Variants in FAM90A20 observed in about 807,000 individuals in gnomAD.
The protein encoded by FAM90A20 is protein FAM90A20.
the FAM90A20 span, chr8:7,296,149 G>A: frequency 1.8e-5 from 11 of 596,606 alleles, no homozygotes; most frequent in Middle Eastern, 4.4e-4. Context: ...GGCACGTGAG[G>A]GAAGGTGCAG....
the FAM90A20 span, chr8:7,297,153 G>T: frequency 2.6e-6 from 4 of 1,528,808 alleles, 1 homozygote; most frequent in Non-Finnish European, 3.5e-6. Flanking sequence ...GAAATGTCTG[G>T]CAGGGGCTCC....
chr8:7,296,937 A>T, the FAM90A20 span: 1 of 828,444 alleles, frequency 1.2e-6, no homozygotes, highest in South Asian at 1.6e-5. Context: ...CCTACTTCCA[A>T]GGACCGCCTG....
the FAM90A20 span, among the ~76,000 whole-genome samples, chr8:7,296,131 G>T: frequency 1.5e-5 from 2 of 131,302 alleles, 1 homozygote; most frequent in African/African-American, 8.0e-5. Context: ...CTGGAGGATG[G>T]GAAGGTTGGC....
chr8:7,295,510 C>G, the FAM90A20 span: 5 of 546,956 alleles, frequency 9.1e-6, no homozygotes, highest in Non-Finnish European at 1.6e-5. Flanking sequence ...GCCCCCATGC[C>G]GGTGTCCCCT....
At chr8:7,297,484 C>G in the FAM90A20 span, 6 of 1,538,018 alleles carry the variant, frequency 3.9e-6, 1 homozygote, top group African/African-American at 6.0e-5. Flanking sequence ...CCAATCTCAG[C>G]TTTGGGTCAG....
chr8:7,295,305 C>CTTGA, the FAM90A20 span, among the ~76,000 whole-genome samples: 12 of 41,628 alleles, frequency 2.9e-4, no homozygotes, highest in African/African-American at 3.6e-3. Flanking sequence ...CTCCCCGGCC[C>CTTGA]GATAGGTCCC....
chr8:7,297,549 A>G, the FAM90A20 span: 1 of 1,521,152 alleles, frequency 6.6e-7, no homozygotes, highest in East Asian at 2.2e-5. Context: ...TTCCCCAAGA[A>G]ACCGAGACTG....
the FAM90A20 span, chr8:7,296,338 C>G: frequency 1.1e-5 from 8 of 744,410 alleles, no homozygotes; most frequent in South Asian, 9.6e-5. Context: ...TTCCGGGAAA[C>G]CTCCAGAGAA....
At chr8:7,296,388 T>G in the FAM90A20 span, 21 of 746,726 alleles carry the variant, frequency 2.8e-5, 1 homozygote, top group South Asian at 2.7e-4. Context: ...AATCTTCTGA[T>G]TATCTGAGGG....
At chr8:7,295,732 A>T in the FAM90A20 span, 5 of 1,076,654 alleles carry the variant, frequency 4.6e-6, no homozygotes, top group South Asian at 5.0e-5. Context: ...CCTTGGGGAA[A>T]AAGGAAGGGA....
the FAM90A20 span, among the ~76,000 whole-genome samples, chr8:7,296,112 G>C: frequency 2.1e-4 from 28 of 131,046 alleles, 8 homozygotes; most frequent in African/African-American, 7.7e-4. Context: ...GGGAAGCCTA[G>C]AGGGCCACCT....
chr8:7,297,483 G>T, the FAM90A20 span: 7 of 1,539,232 alleles, frequency 4.5e-6, 1 homozygote, highest in East Asian at 1.1e-4. Flanking sequence ...TCCAATCTCA[G>T]CTTTGGGTCA....
the FAM90A20 span, chr8:7,297,436 C>G: frequency 6.4e-6 from 10 of 1,556,214 alleles, 2 homozygotes; most frequent in African/African-American, 5.8e-5. Context: ...CCTCACAGCC[C>G]TGCCCATCAG....
the FAM90A20 span, among the ~76,000 whole-genome samples, chr8:7,295,360 G>C: frequency 1.6e-5 from 1 of 63,394 alleles, no homozygotes; most frequent in African/African-American, 1.7e-4. Context: ...TTAGAGTCCT[G>C]TGTAGCCACG....
the FAM90A20 span, chr8:7,297,390 T>A: frequency 6.6e-7 from 1 of 1,525,404 alleles, no homozygotes; most frequent in East Asian, 2.2e-5. Flanking sequence ...CTCCAGGCCG[T>A]CAGAACCCAG....
the FAM90A20 span, chr8:7,296,531 T>A: frequency 1.6e-6 from 1 of 619,400 alleles, no homozygotes; most frequent in South Asian, 1.6e-5. Context: ...GCCTCCACGA[T>A]CCTTGCAGGT....
chr8:7,297,447 C>A, the FAM90A20 span: 4 of 1,553,058 alleles, frequency 2.6e-6, no homozygotes, highest in Non-Finnish European at 3.5e-6. Flanking sequence ...TGCCCATCAG[C>A]CGCCACACAC....
chr8:7,296,143 C>T, the FAM90A20 span: 3 of 585,138 alleles, frequency 5.1e-6, no homozygotes, highest in South Asian at 3.7e-5. Flanking sequence ...AAGGTTGGCA[C>T]GTGAGGGAAG....
chr8:7,296,617 C>G, the FAM90A20 span, among the ~76,000 whole-genome samples: 8 of 135,458 alleles, frequency 5.9e-5, no homozygotes, highest in Non-Finnish European at 1.2e-4. Context: ...TATGGCAAGC[C>G]TGCCAACAAC....
Sources: gnomAD v4.1 joint callset for allele counts (sites outside exome capture counted in the v4.1 genomes callset) on GRCh38, gnomAD v4.1.1 for gene constraint, MANE v1.5 for transcripts, NCBI Gene and HGNC (gene_info 2026-07-23, HGNC 2026-07-21) for gene names.